INSYN2B: variants seen among roughly 807,000 people sequenced by gnomAD.
INSYN2B encodes the protein inhibitory synaptic factor family member 2B.
A neutral mutation model predicts 41.2 loss-of-function variants in INSYN2B; 16 were observed. That is an observed-to-expected ratio of 0.39 (90% CI 0.26 to 0.59). The LOEUF is 0.59. Among genes scored for constraint, INSYN2B ranks in the 20% least tolerant of loss-of-function variants. The probability of loss-of-function intolerance (pLI) is 0.57; values close to 1 mark genes in which losing one functional copy is unlikely to be tolerated. For missense variants in INSYN2B, 608 were observed against 646.4 expected (o/e 0.94, Z 0.64); for synonymous variants, 245 against 244.4 (o/e 1.00, Z -0.02).
At chr5:169,939,474 G>A (rs1429853073) in intron 1 of INSYN2B, among the ~76,000 whole-genome samples, 2 of 152,154 alleles carry the variant, frequency 1.3e-5, no homozygotes, top group African/African-American at 4.8e-5. Context: ...TCTAGACTGT[G>A]ATAAAAAATA....
At chr5:169,915,016 C>A (rs1485947993) in intron 1 of INSYN2B, among the ~76,000 whole-genome samples, 1 of 152,260 alleles carries the variant, frequency 6.6e-6, no homozygotes, top group Non-Finnish European at 1.5e-5. Flanking sequence ...GCAAGGCAAA[C>A]TCACAGCACA....
intron 1 of INSYN2B, among the ~76,000 whole-genome samples, chr5:169,896,071 G>T (rs1227891914): frequency 6.6e-6 from 1 of 152,076 alleles, no homozygotes; most frequent in Non-Finnish European, 1.5e-5. Flanking sequence ...CTGTTTCCCA[G>T]TCCCATGTCT....
intron 1 of INSYN2B, among the ~76,000 whole-genome samples, chr5:169,911,220 C>T (rs1383779878): frequency 6.6e-6 from 1 of 152,180 alleles, no homozygotes; most frequent in East Asian, 1.9e-4. Context: ...TGCTTTGAAA[C>T]AGAGGATAAG....
intron 1 of INSYN2B, among the ~76,000 whole-genome samples, chr5:169,935,755 A>G (rs1775962859): frequency 6.6e-6 from 1 of 152,222 alleles, no homozygotes; most frequent in East Asian, 1.9e-4. Flanking sequence ...TGCACAGTAC[A>G]CTGACTTCAT....
chr5:169,936,996 G>A (rs1776028955), intron 1 of INSYN2B, among the ~76,000 whole-genome samples: 1 of 152,138 alleles, frequency 6.6e-6, no homozygotes, highest in Non-Finnish European at 1.5e-5. Flanking sequence ...TGCAAAAATG[G>A]TAGCTTGAAC....
intron 1 of INSYN2B, among the ~76,000 whole-genome samples, chr5:169,935,359 GCTCCCA>G (rs1775938619): frequency 4.6e-5 from 7 of 151,890 alleles, no homozygotes; most frequent in African/African-American, 1.7e-4. Context: ...GCGCCCTTCT[GCTCCCA>G]TGGAACCATC....
intron 1 of INSYN2B, among the ~76,000 whole-genome samples, chr5:169,956,416 C>T (rs552394433): frequency 6.6e-5 from 10 of 152,258 alleles, no homozygotes; most frequent in Non-Finnish European, 1.3e-4. Flanking sequence ...CAGTCCCTCT[C>T]TCGTGGGTTG....
In INSYN2B at chr5:169,956,507, G is replaced by A. The variant is rs372155900; in HGVS notation, c.-919+23770C>T. ...TTTAAGGAGGGACTTCCAAACAAAT[G>A]CTTTTGAAGACATGAGCTTGTAAGT... On this transcript the variant is annotated intron_variant, in intron 1 of 3. Coordinates refer to ENST00000377365, the MANE Select transcript of INSYN2B (RefSeq NM_001129891.3). 9.6e-4 allele frequency among the ~76,000 whole-genome samples: 146 copies of A among 152,290 alleles called. 1 individual carries two copies. Among genetic ancestry groups the A allele is most frequent in the African/African-American group, 3.0e-3 (125 of 41,552 alleles).
intron 1 of INSYN2B, among the ~76,000 whole-genome samples, chr5:169,889,068 T>C (rs61258191): frequency 0.035 from 5,311 of 152,306 alleles, 184 homozygotes; most frequent in African/African-American, 0.089. Context: ...TGGTCTACTC[T>C]GAGTCCTTAC....
chr5:169,965,924 G>C (rs1364405623), intron 1 of INSYN2B, among the ~76,000 whole-genome samples: 1 of 152,186 alleles, frequency 6.6e-6, no homozygotes, highest in Non-Finnish European at 1.5e-5. Context: ...TCCAGGAACA[G>C]ATTATCCACT....
intron 1 of INSYN2B, among the ~76,000 whole-genome samples, chr5:169,906,392 C>A (rs1338590120): frequency 6.6e-6 from 1 of 152,242 alleles, no homozygotes; most frequent in Non-Finnish European, 1.5e-5. Context: ...TCAATTAAAA[C>A]CACCATCATT....
intron 1 of INSYN2B, among the ~76,000 whole-genome samples, chr5:169,922,536 A>G (rs1433648064): frequency 6.6e-6 from 1 of 152,242 alleles, no homozygotes; most frequent in Non-Finnish European, 1.5e-5. Flanking sequence ...ACCTTTGAAT[A>G]ATACCAACAA....
intron 1 of INSYN2B, among the ~76,000 whole-genome samples, chr5:169,896,305 C>G (rs1198763936): frequency 6.6e-6 from 1 of 152,118 alleles, no homozygotes; most frequent in Non-Finnish European, 1.5e-5. Flanking sequence ...CCTTAAATCC[C>G]ATGTGGAGTG....
intron 3 of INSYN2B, among the ~76,000 whole-genome samples, chr5:169,879,108 G>A (rs1772491217): frequency 6.6e-6 from 1 of 152,152 alleles, no homozygotes; most frequent in Non-Finnish European, 1.5e-5. Context: ...GAGCCTCTGG[G>A]AAATACCACT....
At chr5:169,867,795 G>A (rs1257886290) in intron 3 of INSYN2B, among the ~76,000 whole-genome samples, 1 of 152,162 alleles carries the variant, frequency 6.6e-6, no homozygotes, top group Non-Finnish European at 1.5e-5. Context: ...GGGGTGTGGT[G>A]GAGTGGGTTT....
intron 1 of INSYN2B, among the ~76,000 whole-genome samples, chr5:169,900,294 G>A (rs1773849591): frequency 6.6e-6 from 1 of 152,214 alleles, no homozygotes; most frequent in Non-Finnish European, 1.5e-5. Context: ...TGATGGAGGG[G>A]ACATCTGAGC....
chr5:169,893,942 C>T (rs1773442680), intron 1 of INSYN2B, among the ~76,000 whole-genome samples: 2 of 152,182 alleles, frequency 1.3e-5, no homozygotes, highest in East Asian at 1.9e-4. Context: ...CAATCTCTTC[C>T]TGTAGATTGT....
At chr5:169,979,754 T>C (rs184624142) in intron 1 of INSYN2B, among the ~76,000 whole-genome samples, 82 of 152,326 alleles carry the variant, frequency 5.4e-4, no homozygotes, top group Non-Finnish European at 9.4e-4. Context: ...ACCGGGTTTT[T>C]CTACGTGGTA....
chr5:169,866,812 A>G (rs1250255887), intron 3 of INSYN2B, among the ~76,000 whole-genome samples: 2 of 152,218 alleles, frequency 1.3e-5, no homozygotes, highest in Non-Finnish European at 2.9e-5. Context: ...CACAACAACC[A>G]TCAACACAGA....
Sources: allele counts gnomAD v4.1 joint callset (sites outside exome capture counted in the v4.1 genomes callset), GRCh38; gene constraint gnomAD v4.1.1; transcripts MANE v1.5; gene names NCBI Gene and HGNC (gene_info 2026-07-23, HGNC 2026-07-21).